The following PLAC1 variants were observed in gnomAD, a reference collection of about 807,000 sequenced individuals.
PLAC1 encodes placenta associated 1.
For synonymous variants in PLAC1, 68 were observed against 62.1 expected, an observed-to-expected ratio of 1.09 and a Z score of -0.44; for missense variants, 136 against 163.2, an observed-to-expected ratio of 0.83 and a Z score of 0.91.
chrX:134,598,579 C>T (rs968766495), intron 2 of PLAC1, among the ~76,000 whole-genome samples: 1 of 112,172 alleles, frequency 8.9e-6, no homozygotes, highest in African/African-American at 3.2e-5. Context: ...CTAAACTAAA[C>T]TGTGTGATGC....
At chrX:134,571,761 T>C (rs187985343) in intron 2 of PLAC1, among the ~76,000 whole-genome samples, 99 of 111,042 alleles carry the variant, frequency 8.9e-4, no homozygotes, top group African/African-American at 3.1e-3. Context: ...GCAGACAGGA[T>C]TTTTTGCCTC....
chrX:134,683,342 CT>C (rs1479881900), intron 2 of PLAC1, among the ~76,000 whole-genome samples: 2 of 110,481 alleles, frequency 1.8e-5, no homozygotes, highest in African/African-American at 3.3e-5. Flanking sequence ...TATCTTTTCT[CT>C]GTTATTGTGG....
intron 2 of PLAC1, among the ~76,000 whole-genome samples, chrX:134,702,958 G>C (rs1208202770): frequency 2.7e-5 from 3 of 111,812 alleles, no homozygotes; most frequent in African/African-American, 9.7e-5. Flanking sequence ...AAAATGAAGA[G>C]TTATTTCTAA....
chrX:134,685,449 CTTTTTTTTTTTT>C (rs200498313), intron 2 of PLAC1, among the ~76,000 whole-genome samples: 505 of 49,202 alleles, frequency 0.01, 7 homozygotes, highest in Admixed American at 0.02. Flanking sequence ...AATGGCGTCC[CTTTTTTTTTTTT>C]TTTTTTTTTT....
At chrX:134,570,031 T>C (rs1293778724) in intron 2 of PLAC1, among the ~76,000 whole-genome samples, 3 of 111,040 alleles carry the variant, frequency 2.7e-5, no homozygotes, top group African/African-American at 9.9e-5. Context: ...GGTTTCACCA[T>C]GTTGGCCAGG....
At chrX:134,752,910 G>C (rs1029642338) in intron 1 of PLAC1, among the ~76,000 whole-genome samples, 13 of 111,679 alleles carry the variant, frequency 1.2e-4, no homozygotes, top group Non-Finnish European at 1.7e-4. Flanking sequence ...GTATATATGA[G>C]ATAATTGACA....
chrX:134,761,846 G>A (rs1219115133), intron 1 of PLAC1, among the ~76,000 whole-genome samples: 1 of 112,200 alleles, frequency 8.9e-6, no homozygotes, highest in Non-Finnish European at 1.9e-5. Flanking sequence ...ACATTTACTT[G>A]TGTATACTAA....
intron 2 of PLAC1, among the ~76,000 whole-genome samples, chrX:134,679,385 G>C (rs974360408): frequency 9.0e-6 from 1 of 110,795 alleles, no homozygotes; most frequent in Admixed American, 9.6e-5. Flanking sequence ...CCACGGGGTT[G>C]GATGATATCA....
At chrX:134,705,187 G>A (rs1361474150) in intron 2 of PLAC1, among the ~76,000 whole-genome samples, 11 of 106,438 alleles carry the variant, frequency 1.0e-4, no homozygotes, top group Admixed American at 7.2e-4. Flanking sequence ...TTGGGAGGCC[G>A]AGGCAGGTGG....
intron 2 of PLAC1, among the ~76,000 whole-genome samples, chrX:134,585,094 G>A (rs2124366542): frequency 9.4e-6 from 1 of 105,886 alleles, no homozygotes; most frequent in African/African-American, 3.4e-5. Flanking sequence ...CACTTTGGGA[G>A]GCTGAAGCGG....
At chrX:134,589,439 C>G (rs1408261432) in intron 2 of PLAC1, among the ~76,000 whole-genome samples, 1 of 111,178 alleles carries the variant, frequency 9.0e-6, no homozygotes, top group Non-Finnish European at 1.9e-5. Context: ...TTCTGTACCT[C>G]AAAGAACATA....
At chrX:134,763,339 T>C (rs1242298695) in intron 1 of PLAC1, among the ~76,000 whole-genome samples, 3 of 112,149 alleles carry the variant, frequency 2.7e-5, no homozygotes, top group African/African-American at 9.7e-5. Context: ...TAGAAGCTCC[T>C]TTCTCTGAGG....
intron 2 of PLAC1, among the ~76,000 whole-genome samples, chrX:134,728,164 C>T (rs1004189907): frequency 9.0e-6 from 1 of 111,049 alleles, no homozygotes; most frequent in Non-Finnish European, 1.9e-5. Context: ...AGCATAACAA[C>T]GTACACTTAA....
intron 1 of PLAC1, among the ~76,000 whole-genome samples, chrX:134,640,028 T>C (rs1270960179): frequency 1.8e-5 from 2 of 112,219 alleles, no homozygotes; most frequent in East Asian, 5.6e-4. Flanking sequence ...AGTAGTGCTG[T>C]TGTGAACACA....
chrX:134,591,647 T>G (rs2078039771), intron 2 of PLAC1, among the ~76,000 whole-genome samples: 3 of 112,832 alleles, frequency 2.7e-5, no homozygotes, highest in Admixed American at 9.4e-5. Flanking sequence ...TTTTCATTTC[T>G]CTGGGATAAA....
chrX:134,756,576 G>A (rs1016363806), intron 1 of PLAC1, among the ~76,000 whole-genome samples: 26 of 110,625 alleles, frequency 2.4e-4, no homozygotes, highest in African/African-American at 3.3e-4. Flanking sequence ...TCGGCCGGGC[G>A]CGGTGGCTCA....
intron 2 of PLAC1, among the ~76,000 whole-genome samples, chrX:134,585,736 G>C (rs1419472792): frequency 9.0e-6 from 1 of 110,751 alleles, no homozygotes; most frequent in African/African-American, 3.3e-5. Flanking sequence ...CTATTTCTAT[G>C]GGGGGTAGAA....
At chrX:134,607,661 G>T (rs78618961) in intron 1 of PLAC1, 9 of 113,366 alleles carry the variant, frequency 7.9e-5, no homozygotes, top group Admixed American at 3.9e-4. Context: ...AAAAAAAAAG[G>T]CCTCTGGACT....
intron 2 of PLAC1, among the ~76,000 whole-genome samples, chrX:134,569,785 TG>T: frequency 4.0e-5 from 4 of 99,370 alleles, no homozygotes; most frequent in African/African-American, 1.3e-4. Context: ...TGTGTGTGTG[TG>T]TTTGTGTGTG....
Sources: gnomAD v4.1 joint callset for allele counts (sites outside exome capture counted in the v4.1 genomes callset) on GRCh38, gnomAD v4.1.1 for gene constraint, MANE v1.5 for transcripts, NCBI Gene and HGNC (gene_info 2026-07-23, HGNC 2026-07-21) for gene names.